PIK3C3: variants seen among roughly 807,000 people sequenced by gnomAD.
The protein encoded by PIK3C3 is phosphatidylinositol 3-kinase catalytic subunit type 3.
PIK3C3 carries 95 observed loss-of-function variants against 126.1 expected under a neutral mutation model. That is an observed-to-expected ratio of 0.75 (90% confidence interval 0.64 to 0.89). The LOEUF (loss-of-function observed/expected upper bound fraction) is 0.89. Ranked by LOEUF, PIK3C3 falls within the 40% of genes least tolerant of loss-of-function variation. The probability of loss-of-function intolerance (pLI) is 0.00; values close to 1 mark genes in which losing one functional copy is unlikely to be tolerated. For missense variants in PIK3C3, 829 were observed against 1,063.2 expected (o/e 0.78, Z 3.06); for synonymous variants, 374 against 360.0 (o/e 1.04, Z -0.44).
At chr18:41,990,841 T>C (rs1045964543) in intron 6 of PIK3C3, among the ~76,000 whole-genome samples, 2 of 152,186 alleles carry the variant, frequency 1.3e-5, no homozygotes, top group African/African-American at 4.8e-5. Context: ...GGACACTAAG[T>C]AATGGCTTCA....
Position 42,081,325 on chromosome 18 carries a change from T to C in PIK3C3, c.*188T>C. On this transcript the variant is annotated 3_prime_UTR_variant, in exon 25 of 25. Transcript: ENST00000262039. ...TGGATGTCATTGCTTAAATATAGTC[T>C]TGAAGGGCTTGTTTTGAAATATTGT... 1 of 451,950 alleles carries C rather than the reference T, an allele frequency of 2.2e-6. No homozygotes were observed. Among genetic ancestry groups the C allele is most frequent in the East Asian group, 3.3e-5 (1 of 30,176 alleles). 28.0% of individuals were successfully genotyped at this position (451,950 alleles called of 1,614,324 possible). A position where few individuals can be genotyped will look rare whatever the true frequency, so the allele number is the denominator to read the frequency against.
At chr18:42,080,471 A>G (rs1481820953) in intron 24 of PIK3C3, among the ~76,000 whole-genome samples, 1 of 152,192 alleles carries the variant, frequency 6.6e-6, no homozygotes, top group Non-Finnish European at 1.5e-5. Flanking sequence ...TGTAAGCAGC[A>G]TTCATAATTC....
At chr18:42,038,912 T>G in intron 18 of PIK3C3, 62 bp downstream of exon 18, 3 of 1,126,136 alleles carry the variant, frequency 2.7e-6, no homozygotes, top group Non-Finnish European at 3.9e-6. Flanking sequence ...TTTTTCAAAT[T>G]GAAAATTTTT....
At chr18:42,056,642 G>A (rs1985078830) in intron 21 of PIK3C3, among the ~76,000 whole-genome samples, 1 of 151,998 alleles carries the variant, frequency 6.6e-6, no homozygotes, top group Admixed American at 6.6e-5. Context: ...TATCCAACAA[G>A]GTAAAAGATA....
At chr18:41,976,558 T>C (rs1980933745) in intron 4 of PIK3C3, among the ~76,000 whole-genome samples, 1 of 152,212 alleles carries the variant, frequency 6.6e-6, no homozygotes, top group Non-Finnish European at 1.5e-5. Context: ...CATTTTTTAT[T>C]CAAATCCCAG....
chr18:41,968,412 A>G (rs16975462), intron 3 of PIK3C3, among the ~76,000 whole-genome samples: 11,829 of 152,240 alleles, frequency 0.078, 882 homozygotes, highest in East Asian at 0.26. Context: ...AGACATGTAT[A>G]TATGTGGTTT....
At chr18:41,956,505 G>A (rs1308900096) in intron 1 of PIK3C3, among the ~76,000 whole-genome samples, 1 of 136,240 alleles carries the variant, frequency 7.3e-6, no homozygotes, top group Non-Finnish European at 1.6e-5. Context: ...TTTTTGAAAT[G>A]TTTGAACATT....
chr18:42,037,939 C>T (rs749943865), intron 17 of PIK3C3, 119 bp downstream of exon 17: 1 of 897,950 alleles, frequency 1.1e-6, no homozygotes, highest in Non-Finnish European at 1.7e-6. Context: ...TCCTAGAAAG[C>T]TCAACAGTCT....
At chr18:41,977,229 A>T (rs555179352) in intron 4 of PIK3C3, among the ~76,000 whole-genome samples, 11 of 152,342 alleles carry the variant, frequency 7.2e-5, no homozygotes, top group Admixed American at 1.3e-4. Context: ...TTACGAATAC[A>T]TACTTCAAAA....
chr18:41,977,107 T>TAAA (rs1280479165), intron 4 of PIK3C3, among the ~76,000 whole-genome samples: 1 of 152,170 alleles, frequency 6.6e-6, no homozygotes, highest in Non-Finnish European at 1.5e-5. Context: ...AAGTATGGCA[T>TAAA]AAAAGATGAT....
In PIK3C3 at chr18:42,038,870, T is replaced by C; in HGVS notation, c.2038+20T>C. 3 of 1,451,466 alleles carry C rather than the reference T, an allele frequency of 2.1e-6. No homozygotes were observed. Among genetic ancestry groups the C allele is most frequent in the Non-Finnish European group, 2.9e-6 (3 of 1,041,002 alleles). 89.9% of individuals were successfully genotyped at this position (1,451,466 alleles called of 1,614,324 possible). On this transcript the variant is annotated intron_variant, in intron 18 of 24. Coordinates refer to ENST00000262039, the MANE Select transcript of PIK3C3 (RefSeq NM_002647.4). ...AACATGGTAAGTGTATTTTACATCA[T>C]TATTATTTACTTTAGTGTACATTGT...
chr18:42,078,987 T>C (rs1199977025), intron 24 of PIK3C3, among the ~76,000 whole-genome samples: 1 of 152,212 alleles, frequency 6.6e-6, no homozygotes, highest in East Asian at 1.9e-4. Flanking sequence ...TTCCTCCATA[T>C]CAGCAATAAA....
At chr18:42,043,611 T>G (rs1984425133) in intron 19 of PIK3C3, 122 bp from the exon 20 acceptor site, 2 of 601,298 alleles carry the variant, frequency 3.3e-6, no homozygotes, top group Admixed American at 2.9e-5. Flanking sequence ...AGTCAGCATC[T>G]CTCATACTGT....
intron 3 of PIK3C3, among the ~76,000 whole-genome samples, chr18:41,969,344 C>T (rs1461348554): frequency 1.3e-5 from 2 of 151,926 alleles, no homozygotes; most frequent in Admixed American, 6.6e-5. Context: ...GAAAAGAAAC[C>T]GCATTAACAG....
At chr18:42,000,292 T>A (rs940203879) in intron 9 of PIK3C3, among the ~76,000 whole-genome samples, 4 of 152,148 alleles carry the variant, frequency 2.6e-5, no homozygotes, top group Admixed American at 6.5e-5. Flanking sequence ...CCTCAGGTGA[T>A]CAACCTGCCT....
chr18:42,058,914 C>T (rs1237778439), intron 22 of PIK3C3, among the ~76,000 whole-genome samples: 1 of 152,192 alleles, frequency 6.6e-6, no homozygotes, highest in Non-Finnish European at 1.5e-5. Flanking sequence ...CATGCTCTTC[C>T]AGGTGAAAAT....
chr18:41,970,949 G>A, intron 4 of PIK3C3: 1 of 166,030 alleles, frequency 6.0e-6, no homozygotes, highest in Non-Finnish European at 1.3e-5. Flanking sequence ...AAAGTTGTTA[G>A]TGTAACATTC....
chr18:42,082,796 G>A lies in PIK3C3; in HGVS notation c.*1659G>A, dbSNP rs1986296477. 6.6e-6 allele frequency: 1 copy of A among 152,116 alleles called. No individual in the cohort carries two copies. The highest frequency in any genetic ancestry group is 2.1e-4 in the South Asian group (1 of 4,828). 9.4% of individuals were successfully genotyped at this position (152,116 alleles called of 1,614,324 possible). A position where few individuals can be genotyped will look rare whatever the true frequency, so the allele number is the denominator to read the frequency against. On this transcript the variant is annotated 3_prime_UTR_variant, in exon 25 of 25. Coordinates refer to ENST00000262039, the MANE Select transcript of PIK3C3 (RefSeq NM_002647.4). Reference sequence around the variant, plus strand: ...CTTTGGGGGGCATATGATCCCAATAGCATCAACTTAACTCTGCTAACTGGA... The same window carrying A: ...CTTTGGGGGGCATATGATCCCAATAACATCAACTTAACTCTGCTAACTGGA...
chr18:42,006,860 CT>C (rs71265065), intron 10 of PIK3C3, among the ~76,000 whole-genome samples: 65 of 102,292 alleles, frequency 6.4e-4, no homozygotes, highest in East Asian at 1.5e-3. Flanking sequence ...AAATCATATT[CT>C]TTTTTTTTTT....
Sources: allele counts gnomAD v4.1 joint callset (sites outside exome capture counted in the v4.1 genomes callset), GRCh38; gene constraint gnomAD v4.1.1; transcripts MANE v1.5; gene names NCBI Gene and HGNC (gene_info 2026-07-23, HGNC 2026-07-21).